ZNF436: variants seen among roughly 807,000 people sequenced by gnomAD.
ZNF436 encodes DNA-binding protein.
In ZNF436, 22 loss-of-function variants were observed where a neutral mutation model predicts 41.9. The observed-to-expected ratio is 0.53, with a 90% CI of 0.38 to 0.75. The LOEUF (loss-of-function observed/expected upper bound fraction) is 0.75, where lower values mean the gene tolerates loss of function less well. Among genes scored for constraint, ZNF436 ranks in the 30% least tolerant of loss-of-function variants. ZNF436 has a pLI of 0.00. For missense variants in ZNF436, 506 were observed against 587.3 expected (o/e 0.86, Z 1.43); for synonymous variants, 217 against 197.8 (o/e 1.10, Z -0.82).
rs1242817783 is a variant in ZNF436 at position 23,360,754 on chromosome 1, C to CT, written c.*1214dup. 1.3e-5 allele frequency: 2 copies of CT among 152,626 alleles called. No homozygotes were observed. The highest frequency in any genetic ancestry group is 2.9e-5 in the Non-Finnish European group (2 of 68,042). 9.5% of individuals were successfully genotyped at this position (152,626 alleles called of 1,614,324 possible). On this transcript the variant is annotated 3_prime_UTR_variant, in exon 4 of 4. Transcript: ENST00000314011. ...AACACATACAAACAAGTGCTTAGCT[C>CT]TGTACAAAGACAGACCTTACAGGAG...
Position 23,362,750 on chromosome 1 carries a change from T to C in ZNF436, c.632A>G (p.Gln211Arg), listed in dbSNP as rs1638275272. ...CTCTCCAGTGTGGATTGTCTGATGC[T>C]GAATCAGGTGAGAACTTCTTCCAAA... is the stretch of plus-strand genomic sequence containing the variant. ...KSFGRSSHLI[Q>R]HQTIHTGEKP... The change falls in exon 4 of 4, where the codon CAG becomes CGG. Residue 211 changes from glutamine (Q) to arginine (R), a missense_variant. Transcript: ENST00000314011. 6.2e-7 allele frequency: 1 copy of C among 1,614,230 alleles called. No homozygotes were observed. The highest frequency in any genetic ancestry group is 8.5e-7 in the Non-Finnish European group (1 of 1,180,044).
intron 3 of ZNF436, among the ~76,000 whole-genome samples, chr1:23,365,233 A>G (rs548472309): frequency 2.6e-5 from 4 of 151,512 alleles, no homozygotes; most frequent in Admixed American, 6.6e-5. Context: ...CTCTAAAAAA[A>G]AAAAACGCAA....
At chr1:23,366,199 A>C (rs1638356080) in intron 3 of ZNF436, among the ~76,000 whole-genome samples, 2 of 152,356 alleles carry the variant, frequency 1.3e-5, no homozygotes, top group Admixed American at 1.3e-4. Context: ...ACATCAGAGA[A>C]AGCTCAAGTT....
rs1208947401 is a variant in ZNF436 at position 23,360,216 on chromosome 1, G to A, written c.*1753C>T. On this transcript the variant is annotated 3_prime_UTR_variant, in exon 4 of 4. Transcript: ENST00000314011. The stretch of plus-strand genomic sequence containing the variant: ...ACTTTAAAGGTTGTGTTATTAACAA[G>A]TGATGTGGTCCCACACAGCTGTGGG... The A allele has an allele frequency of 6.6e-6, 1 of 152,218 alleles. No homozygotes were observed. Among genetic ancestry groups the A allele is most frequent in the Non-Finnish European group, 1.5e-5 (1 of 68,042 alleles). 9.4% of individuals were successfully genotyped at this position (152,218 alleles called of 1,614,324 possible). A position where few individuals can be genotyped will look rare whatever the true frequency, so the allele number is the denominator to read the frequency against.
intron 1 of ZNF436, among the ~76,000 whole-genome samples, chr1:23,368,799 C>T (rs1638425581): frequency 6.6e-6 from 1 of 152,170 alleles, no homozygotes; most frequent in Non-Finnish European, 1.5e-5. Context: ...TGCTTGACAG[C>T]ACAGGCTGGA....
At chr1:23,365,293 G>A (rs186211177) in intron 3 of ZNF436, among the ~76,000 whole-genome samples, 100 of 152,024 alleles carry the variant, frequency 6.6e-4, no homozygotes, top group Middle Eastern at 3.4e-3. Context: ...CTACTCAGGA[G>A]GCTAAGGCAG....
chr1:23,367,026 T>G lies in ZNF436; in HGVS notation c.160+16A>C. On this transcript the variant is annotated intron_variant, in intron 3 of 3. Transcript: ENST00000314011. ...TCAAAAACGTGGAGGCAAAGAAAGGTAGAATCCTTACTTACCTAGTGAGAC... is the reference window on the plus strand; with the variant it reads ...TCAAAAACGTGGAGGCAAAGAAAGGGAGAATCCTTACTTACCTAGTGAGAC... 1 of 1,605,680 alleles carries G rather than the reference T, an allele frequency of 6.2e-7. No individual in the cohort carries two copies. The highest frequency in any genetic ancestry group is 8.5e-7 in the Non-Finnish European group (1 of 1,177,086).
At position 23,362,675 on chromosome 1, in the gene ZNF436, T is replaced by G; in HGVS notation, c.707A>C (p.His236Pro). Reference protein sequence around the residue: ...ECGKSFCRLSHLIQHQRTHSG... With the variant: ...ECGKSFCRLSPLIQHQRTHSG... ...GTGGGTCCTTTGGTGTTGGATTAGG[T>G]GAGAGAGACGGCAGAAACTTTTTCC... The change falls in exon 4 of 4, where the codon CAC becomes CCC. Residue 236 changes from histidine (H) to proline (P), a missense_variant. His to Pro is a moderately conservative substitution (Grantham distance 77). This residue lies in a region of ZNF436 where 278 missense variants were observed against 372.1 expected (regional missense o/e 0.75). Transcript: ENST00000314011. 1 of 1,614,190 alleles carries G rather than the reference T, an allele frequency of 6.2e-7. No individual in the cohort carries two copies. The highest frequency in any genetic ancestry group is 8.5e-7 in the Non-Finnish European group (1 of 1,180,038).
In ZNF436 at chr1:23,364,066, G is replaced by A. The variant is rs902935062; in HGVS notation, c.161-845C>T. Reference sequence around the variant, plus strand: ...CTTAAAAAAAAAACTATATATATTCGTGTTTTGAAAGAACACTGGAAGCAG... The same window carrying A: ...CTTAAAAAAAAAACTATATATATTCATGTTTTGAAAGAACACTGGAAGCAG... On this transcript the variant is annotated intron_variant, in intron 3 of 3. Transcript: ENST00000314011. Among the ~76,000 whole-genome samples the A allele has an allele frequency of 4.6e-5, 7 of 152,028 alleles. No homozygotes were observed. In the East Asian group the frequency reaches 7.7e-4, roughly 17 times the overall value.
intron 1 of ZNF436, chr1:23,368,308 G>A: frequency 2.5e-6 from 1 of 396,458 alleles, no homozygotes; most frequent in Middle Eastern, 7.0e-4. Context: ...TTAGACCGCT[G>A]CTGTCTCAGG....
chr1:23,367,660 C>T (rs950350672), intron 2 of ZNF436, among the ~76,000 whole-genome samples: 3 of 152,224 alleles, frequency 2.0e-5, no homozygotes, highest in African/African-American at 7.2e-5. Flanking sequence ...GCAAGTAGAG[C>T]ACTTACTACG....
In ZNF436 at chr1:23,360,073, A is replaced by G. The variant is rs1222166878; in HGVS notation, c.*1896T>C. On this transcript the variant is annotated 3_prime_UTR_variant, in exon 4 of 4. Coordinates refer to ENST00000314011, the MANE Select transcript of ZNF436 (RefSeq NM_001077195.2). ...CAAGAACATGTGTCACCCGACAATT[A>G]AAATATGGATACCCACAGTCTGCTA... The G allele has an allele frequency of 6.6e-6, 1 of 152,378 alleles. No individual in the cohort carries two copies. Among genetic ancestry groups the G allele is most frequent in the East Asian group, 1.9e-4 (1 of 5,202 alleles). The allele number at this position is 152,378 out of a possible 1,614,324, so 9.4% of individuals were successfully genotyped here.
In ZNF436 at chr1:23,360,576, T is replaced by C. The variant is rs1274101925; in HGVS notation, c.*1393A>G. 1 of 152,316 alleles carries C rather than the reference T, an allele frequency of 6.6e-6. No homozygotes were observed. The highest frequency in any genetic ancestry group is 1.5e-5 in the Non-Finnish European group (1 of 68,020). The allele number at this position is 152,316 out of a possible 1,614,324, so 9.4% of individuals were successfully genotyped here. On this transcript the variant is annotated 3_prime_UTR_variant, in exon 4 of 4. Transcript: ENST00000314011. ...CGAACTGTTATTTTAACCTCTTATA[T>C]CTGTAGGGTGGGAGGATGGAAATAC...
At chr1:23,363,301 T>TC in intron 3 of ZNF436, 80 bp from the exon 4 acceptor site, 5 of 1,285,304 alleles carry the variant, frequency 3.9e-6, no homozygotes, top group Non-Finnish European at 5.3e-6. Flanking sequence ...AAATTTTTTT[T>TC]TTTTTTAGAC....
intron 1 of ZNF436, chr1:23,368,337 G>A (rs1250019801): frequency 3.3e-6 from 1 of 301,886 alleles, no homozygotes; most frequent in Non-Finnish European, 6.3e-6. Context: ...GCTCAGCTCA[G>A]CCCAGGGAAC....
intron 1 of ZNF436, 120 bp downstream of exon 1, chr1:23,369,246 G>C: frequency 2.3e-6 from 1 of 439,108 alleles, no homozygotes; most frequent in South Asian, 1.7e-5. Context: ...GCGGCCTCCC[G>C]CACCGAAGGG....
At chr1:23,365,217 C>T (rs530299884) in intron 3 of ZNF436, among the ~76,000 whole-genome samples, 1 of 150,550 alleles carries the variant, frequency 6.6e-6, no homozygotes, top group South Asian at 2.1e-4. Context: ...CACGGTGAAA[C>T]CCCATCTCTA....
In ZNF436 at chr1:23,361,168, T is replaced by A. The variant is rs1353665515; in HGVS notation, c.*801A>T. The A allele has an allele frequency of 6.6e-6, 1 of 152,642 alleles. No individual in the cohort carries two copies. Among genetic ancestry groups the A allele is most frequent in the African/African-American group, 2.4e-5 (1 of 41,450 alleles). The allele number at this position is 152,642 out of a possible 1,614,324, so 9.5% of individuals were successfully genotyped here. ...TTAACTGTCACTGATGGTCCTATCT[T>A]TTCTTGAAGATATTTTCTATACAAT... On this transcript the variant is annotated 3_prime_UTR_variant, in exon 4 of 4. Coordinates refer to ENST00000314011, the MANE Select transcript of ZNF436 (RefSeq NM_001077195.2).
chr1:23,362,117 T>G lies in ZNF436; in HGVS notation c.1265A>C (p.Gln422Pro). 6.2e-7 allele frequency: 1 copy of G among 1,614,190 alleles called. No homozygotes were observed. Among genetic ancestry groups the G allele is most frequent in the Non-Finnish European group, 8.5e-7 (1 of 1,180,032 alleles). The change falls in exon 4 of 4, where the codon CAG becomes CCG. Residue 422 changes from glutamine to proline, a missense_variant. Gln to Pro is a moderately conservative substitution (Grantham distance 76, BLOSUM62 -1). This residue lies in a region of ZNF436 where 278 missense variants were observed against 372.1 expected (regional missense o/e 0.75). Coordinates refer to ENST00000314011, the MANE Select transcript of ZNF436 (RefSeq NM_001077195.2). The stretch of plus-strand genomic sequence containing the variant: ...GCTCTGGGTGAAACCTTTCCCACAC[T>G]GCACACACTCGTAGGGCTTCTCCCC... ...HTGEKPYECV[Q>P]CGKGFTQSSN...
Sources: allele counts gnomAD v4.1 joint callset (sites outside exome capture counted in the v4.1 genomes callset), GRCh38; gene constraint gnomAD v4.1.1; regional missense constraint gnomAD v4.1.1; transcripts MANE v1.5; gene names NCBI Gene and HGNC (gene_info 2026-07-23, HGNC 2026-07-21).